Variants in RPS15A observed in about 807,000 individuals in gnomAD.
RPS15A encodes small ribosomal subunit protein uS8.
For missense variants in RPS15A, 62 were observed against 163.4 expected, an observed-to-expected ratio of 0.38 and a Z score of 3.38; for synonymous variants, 55 against 58.5, an observed-to-expected ratio of 0.94 and a Z score of 0.27.
rs768737727 is a variant in RPS15A at position 18,782,962 on chromosome 16, A to G, written c.*47T>C. The G allele has an allele frequency of 1.7e-6, 2 of 1,199,898 alleles. No individual in the cohort carries two copies. The highest frequency in any genetic ancestry group is 2.5e-5 in the South Asian group (2 of 80,218). The allele number at this position is 1,199,898 out of a possible 1,614,324, so 74.3% of individuals were successfully genotyped here. A position where few individuals can be genotyped will look rare whatever the true frequency, so the allele number is the denominator to read the frequency against. The stretch of plus-strand genomic sequence containing the variant: ...AGGCTCAAAACGACCAAGTGGAAGC[A>G]CCAGAGTCCATGAGGCATTTTATTT... On this transcript the variant is annotated 3_prime_UTR_variant, in exon 5 of 5. Transcript: ENST00000322989.
intron 4 of RPS15A, 99 bp downstream of exon 4, chr16:18,784,639 T>A: frequency 1.1e-6 from 1 of 871,772 alleles, no homozygotes; most frequent in Non-Finnish European, 1.8e-6. Context: ...TTACCACTGC[T>A]TTGTTTTAAA....
At chr16:18,787,362 T>C (rs755953262) in intron 3 of RPS15A, among the ~76,000 whole-genome samples, 2 of 152,208 alleles carry the variant, frequency 1.3e-5, no homozygotes, top group African/African-American at 2.4e-5. Flanking sequence ...CTAAGTACCA[T>C]GGTTTCAGGC....
intron 1 of RPS15A, among the ~76,000 whole-genome samples, chr16:18,789,669 G>C (rs111495152): frequency 6.6e-6 from 1 of 152,194 alleles, no homozygotes; most frequent in African/African-American, 2.4e-5. Context: ...CCAACAGCAA[G>C]AGCCACAGTG....
chr16:18,788,185 TGA>T, intron 2 of RPS15A, 43 bp from the exon 3 acceptor site: 1 of 1,252,324 alleles, frequency 8.0e-7, no homozygotes, highest in African/African-American at 1.5e-5. Flanking sequence ...GACATCAACT[TGA>T]GAGCTAAACC....
intron 4 of RPS15A, 91 bp downstream of exon 4, chr16:18,784,647 A>T: frequency 1.0e-6 from 1 of 966,204 alleles, no homozygotes; most frequent in Non-Finnish European, 1.6e-6. Context: ...GCTTTGTTTT[A>T]AACAGAAAAA....
Position 18,789,021 on chromosome 16 carries a change from G to C in RPS15A, c.93C>G (p.Ser31=), listed in dbSNP as rs1289190017. ...CAGTGAGAAACCGGACGATGACTTT[G>C]GAGCACGGCCTAATAAGCACCTGGC... The part of the protein sequence containing the change: ...GKRQVLIRPC[S]KVIVRFLTVM... Residue 31 remains serine, a synonymous_variant, in exon 2 of 5, where the codon TCC becomes TCG. Coordinates refer to ENST00000322989, the MANE Select transcript of RPS15A (RefSeq NM_001019.5). The C allele has an allele frequency of 6.2e-7, 1 of 1,614,120 alleles. No homozygotes were observed. The highest frequency in any genetic ancestry group is 1.7e-5 in the Admixed American group (1 of 60,000).
intron 4 of RPS15A, chr16:18,783,362 G>A (rs1463308236): frequency 2.1e-6 from 1 of 474,026 alleles, no homozygotes; most frequent in East Asian, 3.8e-5. Flanking sequence ...AAACTGCACT[G>A]AAAACAAAGG....
chr16:18,788,493 C>T (rs1021972434), intron 2 of RPS15A: 1 of 180,332 alleles, frequency 5.5e-6, no homozygotes, highest in Non-Finnish European at 1.1e-5. Flanking sequence ...TCCTTTCTTT[C>T]TTTTTTTTTT....
At chr16:18,787,976 C>T in intron 3 of RPS15A, 87 bp downstream of exon 3, 1 of 829,914 alleles carries the variant, frequency 1.2e-6, no homozygotes, top group Non-Finnish European at 2.1e-6. Context: ...GGCACCACTA[C>T]TCAGTATTTC....
Position 18,781,439 on chromosome 16 carries a change from G to A in RPS15A, c.*1570C>T, listed in dbSNP as rs1903965310. ...AGAGACACGATGGTTAAACAAGCCAGAGCCCTGTGATCCTAGGGCTTACAA... is the reference window on the plus strand; with the variant it reads ...AGAGACACGATGGTTAAACAAGCCAAAGCCCTGTGATCCTAGGGCTTACAA... On this transcript the variant is annotated 3_prime_UTR_variant, in exon 5 of 5. Coordinates refer to ENST00000322989, the MANE Select transcript of RPS15A (RefSeq NM_001019.5). The A allele has an allele frequency of 2.0e-5, 3 of 151,574 alleles. No homozygotes were observed. Among genetic ancestry groups the A allele is most frequent in the African/African-American group, 7.3e-5 (3 of 41,264 alleles). The allele number at this position is 151,574 out of a possible 1,614,324, so 9.4% of individuals were successfully genotyped here. A position where few individuals can be genotyped will look rare whatever the true frequency, so the allele number is the denominator to read the frequency against.
chr16:18,783,856 T>C (rs1904003759), intron 4 of RPS15A: 7 of 370,832 alleles, frequency 1.9e-5, no homozygotes, highest in Middle Eastern at 5.6e-4. Context: ...CTCATGGCTT[T>C]AAAGCAGAAA....
intron 3 of RPS15A, chr16:18,785,909 T>A (rs1443996328): frequency 1.3e-5 from 2 of 152,034 alleles, no homozygotes; most frequent in East Asian, 3.9e-4. Flanking sequence ...CAGCATACCC[T>A]CCCCCAACCC....
In RPS15A at chr16:18,782,539, A is replaced by G. The variant is rs1903981044; in HGVS notation, c.*470T>C. ...AGAACTCAAGACCAGCCTGGGCAAC[A>G]TGGCGAAACCCTGTCTCTACTAAAA... On this transcript the variant is annotated 3_prime_UTR_variant, in exon 5 of 5. Transcript: ENST00000322989. 1 of 153,534 alleles carries G rather than the reference A, an allele frequency of 6.5e-6. No homozygotes were observed. The highest frequency in any genetic ancestry group is 2.0e-4 in the South Asian group (1 of 4,976). 9.5% of individuals were successfully genotyped at this position (153,534 alleles called of 1,614,324 possible). A position where few individuals can be genotyped will look rare whatever the true frequency, so the allele number is the denominator to read the frequency against.
Position 18,782,652 on chromosome 16 carries a change from G to A in RPS15A, c.*357C>T, listed in dbSNP as rs989221248. The stretch of plus-strand genomic sequence containing the variant: ...CAGGACAATCACTTGAACCCGGGAG[G>A]TGGAGGTTGCAGTGGGCCAAGATCG... On this transcript the variant is annotated 3_prime_UTR_variant, in exon 5 of 5. Transcript: ENST00000322989. 2 of 160,578 alleles carry A rather than the reference G, an allele frequency of 1.2e-5. No homozygotes were observed. Among genetic ancestry groups the A allele is most frequent in the African/African-American group, 4.9e-5 (2 of 41,128 alleles). The allele number at this position is 160,578 out of a possible 1,614,324, so 9.9% of individuals were successfully genotyped here.
Position 18,787,255 on chromosome 16 carries a change from G to A in RPS15A, c.213+808C>T, listed in dbSNP as rs148652966. On this transcript the variant is annotated intron_variant, in intron 3 of 4. Transcript: ENST00000322989. Reference sequence around the variant, plus strand: ...GCAATAAACACAGGGGTGTCCAAGGGAGAGAATACAGTCATGGGTTCTTAG... The same window carrying A: ...GCAATAAACACAGGGGTGTCCAAGGAAGAGAATACAGTCATGGGTTCTTAG... Among the ~76,000 whole-genome samples, 314 of 152,318 alleles carry A rather than the reference G, an allele frequency of 2.1e-3. 1 individual carries two copies. Among genetic ancestry groups the A allele is most frequent in the African/African-American group, 7.2e-3 (299 of 41,568 alleles).
In RPS15A at chr16:18,782,783, G is replaced by A; in HGVS notation, c.*226C>T. The A allele has an allele frequency of 2.5e-6, 1 of 397,790 alleles. No homozygotes were observed. The highest frequency in any genetic ancestry group is 4.5e-6 in the Non-Finnish European group (1 of 223,996). The allele number at this position is 397,790 out of a possible 1,614,324, so 24.6% of individuals were successfully genotyped here. ...CTAAAATATTTAGTGTCAAATACCT[G>A]GTTTTGGCAGACAGCAGGGGTGACT... is the stretch of plus-strand genomic sequence containing the variant. On this transcript the variant is annotated 3_prime_UTR_variant, in exon 5 of 5. Coordinates refer to ENST00000322989, the MANE Select transcript of RPS15A (RefSeq NM_001019.5).
intron 1 of RPS15A, among the ~76,000 whole-genome samples, chr16:18,789,535 T>C (rs1191626936): frequency 6.6e-6 from 1 of 152,172 alleles, no homozygotes; most frequent in Non-Finnish European, 1.5e-5. Flanking sequence ...GGCAACATTT[T>C]CCAAATTGCT....
At chr16:18,787,245 G>A (rs1182311437) in intron 3 of RPS15A, among the ~76,000 whole-genome samples, 1 of 152,188 alleles carries the variant, frequency 6.6e-6, no homozygotes, top group Non-Finnish European at 1.5e-5. Flanking sequence ...AAACACAGGG[G>A]TGTCCAAGGG....
chr16:18,785,045 T>C (rs1904025140), intron 3 of RPS15A: 1 of 495,192 alleles, frequency 2.0e-6, no homozygotes, highest in South Asian at 2.7e-5. Flanking sequence ...TGCAAAGAGA[T>C]GGAACAAGGC....
Sources: allele counts gnomAD v4.1 joint callset (sites outside exome capture counted in the v4.1 genomes callset), GRCh38; gene constraint gnomAD v4.1.1; transcripts MANE v1.5; gene names NCBI Gene and HGNC (gene_info 2026-07-23, HGNC 2026-07-21).